NOX4: variants seen among roughly 807,000 people sequenced by gnomAD.
NOX4 encodes NADPH oxidase 4, also known as kidney oxidase-1.
Under a neutral mutation model 87.6 loss-of-function variants are expected in NOX4, and 69 were observed. That is an observed-to-expected ratio of 0.79 (90% confidence interval 0.65 to 0.96). NOX4 has a LOEUF of 0.96. Ranked by LOEUF, NOX4 falls within the 40% of genes least tolerant of loss-of-function variation. NOX4 has a pLI of 0.00. For missense variants in NOX4, 680 were observed against 681.5 expected, an observed-to-expected ratio of 1.00 and a Z score of 0.02; for synonymous variants, 275 against 238.2, an observed-to-expected ratio of 1.15 and a Z score of -1.42.
At chr11:89,343,779 G>A (rs1946104313) in intron 13 of NOX4, among the ~76,000 whole-genome samples, 1 of 151,968 alleles carries the variant, frequency 6.6e-6, no homozygotes, top group Non-Finnish European at 1.5e-5. Context: ...CTATAACATA[G>A]TAGAGATGAA....
the NOX4 span, among the ~76,000 whole-genome samples, chr11:89,541,250 C>G: frequency 6.6e-6 from 1 of 152,108 alleles, no homozygotes; most frequent in Non-Finnish European, 1.5e-5. Context: ...TAGCTAGATC[C>G]TTGACTTAGT....
chr11:89,484,584 A>G lies in NOX4; in HGVS notation c.153+5874T>C, dbSNP rs1946514454. Among the ~76,000 whole-genome samples, 3 of 152,222 alleles carry G rather than the reference A, an allele frequency of 2.0e-5. No homozygotes were observed. In the South Asian group the frequency reaches 6.2e-4, roughly 32 times the overall value. On this transcript the variant is annotated intron_variant, in intron 2 of 17. Transcript: ENST00000263317. ...GAGAACAATAGACTAAATAGTGACC[A>G]AGTCACTAATTCAGTAGGTGATAGT...
the NOX4 span, among the ~76,000 whole-genome samples, chr11:89,522,918 C>T: frequency 1.3e-5 from 2 of 152,126 alleles, no homozygotes; most frequent in Admixed American, 6.6e-5. Flanking sequence ...AGGTCTCATT[C>T]GGTGTTTCAC....
At chr11:89,579,737 G>C in the NOX4 span, among the ~76,000 whole-genome samples, 1 of 151,980 alleles carries the variant, frequency 6.6e-6, no homozygotes, top group Non-Finnish European at 1.5e-5. Context: ...AGGGAGTGAG[G>C]GGTTATAGGG....
chr11:89,552,157 G>C, the NOX4 span, among the ~76,000 whole-genome samples: 11 of 152,112 alleles, frequency 7.2e-5, no homozygotes, highest in Admixed American at 2.0e-4. Context: ...ATAACCTGTA[G>C]TTTTAAAAAC....
intron 7 of NOX4, among the ~76,000 whole-genome samples, chr11:89,423,655 T>C (rs757203096): frequency 1.6e-4 from 25 of 152,218 alleles, no homozygotes; most frequent in Non-Finnish European, 3.1e-4. Flanking sequence ...TGTACTTGGA[T>C]GTACCCCAGA....
At chr11:89,426,009 T>G (rs1943379020) in intron 7 of NOX4, among the ~76,000 whole-genome samples, 1 of 152,160 alleles carries the variant, frequency 6.6e-6, no homozygotes, top group Non-Finnish European at 1.5e-5. Context: ...ACACTATAAA[T>G]ATTCTGAAAA....
the NOX4 span, among the ~76,000 whole-genome samples, chr11:89,515,302 A>G: frequency 6.6e-6 from 1 of 151,980 alleles, no homozygotes; most frequent in African/African-American, 2.4e-5. Context: ...TAGCAGTTCT[A>G]ATAAGTATTT....
At position 89,325,907 on chromosome 11, in the gene NOX4, ATATGTG is replaced by A. The variant is rs1437141774; in HGVS notation, c.*843_*848del. 6.2e-5 allele frequency: 7 copies of A among 113,544 alleles called. No homozygotes were observed. Among genetic ancestry groups the A allele is most frequent in the Admixed American group, 2.4e-4 (3 of 12,276 alleles). The allele number at this position is 113,544 out of a possible 1,614,324, so 7.0% of individuals were successfully genotyped here. A position where few individuals can be genotyped will look rare whatever the true frequency, so the allele number is the denominator to read the frequency against. ...TGTGTATATATATATATATATATAT[ATATGTG>A]TGTGTGTGTGTATATATATATGTGT... On this transcript the variant is annotated 3_prime_UTR_variant, in exon 18 of 18. Coordinates refer to ENST00000263317, the MANE Select transcript of NOX4 (RefSeq NM_016931.5).
At chr11:89,394,613 A>T (rs1033409120) in intron 11 of NOX4, among the ~76,000 whole-genome samples, 1 of 152,050 alleles carries the variant, frequency 6.6e-6, no homozygotes, top group African/African-American at 2.4e-5. Flanking sequence ...TAAACTCGTC[A>T]TTTACATTAG....
intron 7 of NOX4, among the ~76,000 whole-genome samples, chr11:89,429,746 T>C (rs1052083130): frequency 6.6e-6 from 1 of 151,684 alleles, no homozygotes; most frequent in Non-Finnish European, 1.5e-5. Context: ...AAGGACCAGA[T>C]GGATTCACAG....
chr11:89,553,841 CTGGAATTGGCTTTACTTAGAAG>C, the NOX4 span, among the ~76,000 whole-genome samples: 1 of 149,922 alleles, frequency 6.7e-6, no homozygotes, highest in Non-Finnish European at 1.5e-5. Context: ...TTTTAGCTAA[CTGGAATTGGCTTTACTTAGAAG>C]AGAAACAAAC....
At chr11:89,371,093 T>C (rs1183231506) in intron 12 of NOX4, among the ~76,000 whole-genome samples, 2 of 152,048 alleles carry the variant, frequency 1.3e-5, no homozygotes, top group African/African-American at 4.8e-5. Flanking sequence ...TCAATTCTTT[T>C]AGAATAAAAA....
At chr11:89,384,972 C>T (rs1940586250) in intron 11 of NOX4, among the ~76,000 whole-genome samples, 1 of 152,146 alleles carries the variant, frequency 6.6e-6, no homozygotes, top group Non-Finnish European at 1.5e-5. Context: ...GATGGCAGTT[C>T]CACCAGGCCT....
chr11:89,550,243 T>C, the NOX4 span, among the ~76,000 whole-genome samples: 3 of 151,846 alleles, frequency 2.0e-5, no homozygotes, highest in African/African-American at 4.8e-5. Flanking sequence ...TGTAGTGCAG[T>C]GGCATGATCT....
intron 4 of NOX4, among the ~76,000 whole-genome samples, chr11:89,444,540 C>T (rs1179170730): frequency 6.6e-6 from 1 of 151,592 alleles, no homozygotes; most frequent in Admixed American, 6.6e-5. Context: ...CACACACACA[C>T]ACACACACAC....
At chr11:89,576,036 G>A in the NOX4 span, among the ~76,000 whole-genome samples, 4 of 152,218 alleles carry the variant, frequency 2.6e-5, no homozygotes, top group Non-Finnish European at 4.4e-5. Flanking sequence ...TGTTTGTCCA[G>A]TTTTGGGCAC....
At chr11:89,561,072 T>TAC in the NOX4 span, among the ~76,000 whole-genome samples, 66 of 117,530 alleles carry the variant, frequency 5.6e-4, 3 homozygotes, top group African/African-American at 2.1e-3. Flanking sequence ...TATATATATA[T>TAC]ATATATATAT....
the NOX4 span, among the ~76,000 whole-genome samples, chr11:89,579,257 T>C: frequency 6.6e-6 from 1 of 152,180 alleles, no homozygotes. Context: ...TATCAAAAAC[T>C]CATAGAATGC....
Sources: allele counts gnomAD v4.1 joint callset (sites outside exome capture counted in the v4.1 genomes callset), GRCh38; gene constraint gnomAD v4.1.1; transcripts MANE v1.5; gene names NCBI Gene and HGNC (gene_info 2026-07-23, HGNC 2026-07-21).